Variants in FHIT observed in about 807,000 individuals in gnomAD.
FHIT encodes bis(5'-adenosyl)-triphosphatase.
In FHIT, 19 loss-of-function variants were observed where a neutral mutation model predicts 17.9. The ratio of observed to expected loss-of-function variants is 1.06; its 90% CI spans 0.74 to 1.56. The LOEUF is 1.56. Ranked by LOEUF, FHIT falls within the 40% of genes most tolerant of loss-of-function variation. The pLI is 0.00. For missense variants in FHIT, 248 were observed against 189.2 expected, an observed-to-expected ratio of 1.31 and a Z score of -1.82; for synonymous variants, 81 against 69.7, an observed-to-expected ratio of 1.16 and a Z score of -0.81.
chr3:60,712,015 G>A (rs2041547909), intron 4 of FHIT, among the ~76,000 whole-genome samples: 1 of 152,190 alleles, frequency 6.6e-6, no homozygotes. Flanking sequence ...GTTAAGGGCA[G>A]CCAGACAGAA....
At chr3:60,493,753 T>A (rs962703703) in intron 5 of FHIT, among the ~76,000 whole-genome samples, 3 of 152,208 alleles carry the variant, frequency 2.0e-5, no homozygotes, top group Non-Finnish European at 4.4e-5. Context: ...AAACGAGAGA[T>A]ACGACTGTGT....
chr3:60,686,138 T>C (rs560728003), intron 4 of FHIT, among the ~76,000 whole-genome samples: 1 of 152,314 alleles, frequency 6.6e-6, no homozygotes, highest in South Asian at 2.1e-4. Context: ...ATTGAAGATA[T>C]TGTTTCATTG....
intron 4 of FHIT, among the ~76,000 whole-genome samples, chr3:60,581,440 T>C (rs2037746693): frequency 6.6e-6 from 1 of 152,126 alleles, no homozygotes; most frequent in African/African-American, 2.4e-5. Context: ...TAGGCTGTTT[T>C]GTACATATTA....
At chr3:60,134,245 T>C (rs546481000) in intron 5 of FHIT, among the ~76,000 whole-genome samples, 1 of 152,176 alleles carries the variant, frequency 6.6e-6, no homozygotes, top group Non-Finnish European at 1.5e-5. Flanking sequence ...ACTTCCAGTA[T>C]TTGCAAAACA....
intron 5 of FHIT, among the ~76,000 whole-genome samples, chr3:60,339,813 G>T (rs1241803576): frequency 2.6e-5 from 4 of 152,080 alleles, no homozygotes; most frequent in Non-Finnish European, 5.9e-5. Flanking sequence ...CAGACAACAC[G>T]GTGGGCCATG....
intron 4 of FHIT, chr3:60,730,089 G>C: frequency 1.9e-6 from 1 of 513,632 alleles, no homozygotes; most frequent in Non-Finnish European, 3.9e-6. Context: ...TCTTCAGGTA[G>C]TAGATGTGTC....
At chr3:60,097,402 T>G (rs1271203340) in intron 5 of FHIT, among the ~76,000 whole-genome samples, 1 of 152,124 alleles carries the variant, frequency 6.6e-6, no homozygotes, top group Non-Finnish European at 1.5e-5. Flanking sequence ...GTATACTGTG[T>G]TCATTTGGGA....
chr3:60,248,569 TAA>T (rs1705523267), intron 5 of FHIT, among the ~76,000 whole-genome samples: 1 of 152,132 alleles, frequency 6.6e-6, no homozygotes, highest in South Asian at 2.1e-4. Context: ...ACTGAACTTT[TAA>T]AATCTTCATT....
intron 5 of FHIT, among the ~76,000 whole-genome samples, chr3:60,439,803 C>T (rs1383635577): frequency 6.6e-6 from 1 of 152,120 alleles, no homozygotes; most frequent in Admixed American, 6.6e-5. Context: ...TCCAGACTTG[C>T]TGCTCAAGAA....
intron 2 of FHIT, among the ~76,000 whole-genome samples, chr3:61,199,865 T>C (rs528145117): frequency 1.1e-4 from 16 of 152,312 alleles, no homozygotes; most frequent in East Asian, 7.7e-4. Context: ...CGCAGCCCTA[T>C]AATTGCCCAG....
intron 8 of FHIT, among the ~76,000 whole-genome samples, chr3:59,790,148 A>G (rs1047012195): frequency 6.6e-6 from 1 of 152,218 alleles, no homozygotes; most frequent in Non-Finnish European, 1.5e-5. Flanking sequence ...TGGGTACAAA[A>G]TAGTATAATT....
At chr3:59,846,426 C>T (rs1701723015) in intron 8 of FHIT, among the ~76,000 whole-genome samples, 1 of 152,058 alleles carries the variant, frequency 6.6e-6, no homozygotes, top group African/African-American at 2.4e-5. Flanking sequence ...CATAAAATTA[C>T]ATCTATATAT....
At chr3:60,420,798 A>T (rs1025465894) in intron 5 of FHIT, among the ~76,000 whole-genome samples, 3 of 152,130 alleles carry the variant, frequency 2.0e-5, no homozygotes. Flanking sequence ...CACCTAGCTC[A>T]GTGTTTGCAT....
intron 4 of FHIT, among the ~76,000 whole-genome samples, chr3:60,651,570 A>T (rs2856078): frequency 6.6e-6 from 1 of 151,688 alleles, no homozygotes; most frequent in East Asian, 1.9e-4. Context: ...TAAATAATGA[A>T]TTTTTAAAAT....
chr3:60,870,948 T>A (rs912632127), intron 3 of FHIT, among the ~76,000 whole-genome samples: 1 of 152,138 alleles, frequency 6.6e-6, no homozygotes, highest in African/African-American at 2.4e-5. Flanking sequence ...ATTGTCAACA[T>A]GGACCCCTTG....
chr3:60,634,829 T>C (rs531326540), intron 4 of FHIT, among the ~76,000 whole-genome samples: 1 of 152,332 alleles, frequency 6.6e-6, no homozygotes, highest in South Asian at 2.1e-4. Flanking sequence ...CAGGGATTTG[T>C]TTTAACATGA....
intron 5 of FHIT, among the ~76,000 whole-genome samples, chr3:60,418,849 C>T (rs758016263): frequency 1.1e-4 from 16 of 151,946 alleles, no homozygotes; most frequent in Non-Finnish European, 8.8e-5. Flanking sequence ...CATTAGATAG[C>T]ATATTATGAT....
At chr3:59,978,050 T>C (rs921980888) in intron 7 of FHIT, among the ~76,000 whole-genome samples, 1 of 152,216 alleles carries the variant, frequency 6.6e-6, no homozygotes, top group Admixed American at 6.5e-5. Context: ...ATGCTATGTA[T>C]GGGCTGTCAT....
intron 5 of FHIT, among the ~76,000 whole-genome samples, chr3:60,136,479 C>G (rs1352045847): frequency 6.6e-6 from 1 of 152,148 alleles, no homozygotes; most frequent in African/African-American, 2.4e-5. Flanking sequence ...AACCCCTGGT[C>G]TCACATACCA....
Sources: gnomAD v4.1 joint callset for allele counts (sites outside exome capture counted in the v4.1 genomes callset) on GRCh38, gnomAD v4.1.1 for gene constraint, MANE v1.5 for transcripts, NCBI Gene and HGNC (gene_info 2026-07-23, HGNC 2026-07-21) for gene names.